The following FRMD4A variants were observed in gnomAD, a reference collection of about 807,000 sequenced individuals.
FRMD4A encodes FERM domain-containing protein 4A.
FRMD4A carries 29 observed loss-of-function variants against 129.1 expected under a neutral mutation model. That is an observed-to-expected ratio of 0.22 (90% CI 0.17 to 0.31). The LOEUF (loss-of-function observed/expected upper bound fraction) is 0.31. FRMD4A is among the 10% of genes least tolerant of loss of function. FRMD4A has a pLI of 1.00. For missense variants in FRMD4A, 1,272 were observed against 1,375.8 expected (o/e 0.92, Z 1.19); for synonymous variants, 634 against 571.6 (o/e 1.11, Z -1.56).
chr10:13,916,472 T>C (rs766047571), intron 2 of FRMD4A, among the ~76,000 whole-genome samples: 1 of 152,218 alleles, frequency 6.6e-6, no homozygotes, highest in Non-Finnish European at 1.5e-5. Flanking sequence ...TGTGTAGTAA[T>C]AGTGCCATTT....
chr10:13,991,064 C>T (rs1275573004), intron 2 of FRMD4A, among the ~76,000 whole-genome samples: 18 of 152,128 alleles, frequency 1.2e-4, no homozygotes, highest in East Asian at 3.9e-4. Context: ...CTCTGAAAGC[C>T]GCGGTTTTCC....
chr10:14,157,602 C>T (rs1482653696), intron 2 of FRMD4A, among the ~76,000 whole-genome samples: 1 of 152,204 alleles, frequency 6.6e-6, no homozygotes, highest in African/African-American at 2.4e-5. Flanking sequence ...GCCAACACAG[C>T]CCTTGCTGTG....
intron 2 of FRMD4A, among the ~76,000 whole-genome samples, chr10:14,158,148 C>T (rs1004158536): frequency 6.6e-6 from 1 of 152,126 alleles, no homozygotes; most frequent in Non-Finnish European, 1.5e-5. Flanking sequence ...GGGAAATCTC[C>T]TTGTATAAGC....
At chr10:13,777,927 C>G (rs4748058) in intron 6 of FRMD4A, among the ~76,000 whole-genome samples, 1 of 151,312 alleles carries the variant, frequency 6.6e-6, no homozygotes, top group Non-Finnish European at 1.5e-5. Flanking sequence ...GTGAGCCTCC[C>G]GAGTAGCTGG....
At chr10:14,108,090 T>G (rs1837679371) in intron 2 of FRMD4A, among the ~76,000 whole-genome samples, 3 of 152,338 alleles carry the variant, frequency 2.0e-5, no homozygotes, top group Admixed American at 2.0e-4. Flanking sequence ...GCCTCATTCT[T>G]CACGGTCTCT....
intron 2 of FRMD4A, among the ~76,000 whole-genome samples, chr10:14,121,544 A>G (rs74122490): frequency 0.033 from 4,978 of 152,332 alleles, 230 homozygotes; most frequent in African/African-American, 0.1. Context: ...GCTATCAGCT[A>G]CAGTCACCTG....
intron 3 of FRMD4A, among the ~76,000 whole-genome samples, chr10:13,812,465 A>G (rs1249665126): frequency 6.6e-6 from 1 of 152,212 alleles, no homozygotes. Context: ...TATTGAAATG[A>G]CTGTTTAATA....
chr10:14,279,424 T>A (rs1205489992), intron 2 of FRMD4A, among the ~76,000 whole-genome samples: 1 of 151,978 alleles, frequency 6.6e-6, no homozygotes, highest in Admixed American at 6.6e-5. Flanking sequence ...GTCTCAAACT[T>A]CTGACCGCAA....
At chr10:13,747,536 A>AAAT (rs2135074372) in intron 9 of FRMD4A, among the ~76,000 whole-genome samples, 200 bp downstream of exon 9, 1 of 151,664 alleles carries the variant, frequency 6.6e-6, no homozygotes, top group Non-Finnish European at 1.5e-5. Context: ...TCAAAAAAAA[A>AAAT]AATTAATTAA....
chr10:13,893,935 C>T (rs926696313), intron 2 of FRMD4A, among the ~76,000 whole-genome samples: 1 of 152,200 alleles, frequency 6.6e-6, no homozygotes, highest in Non-Finnish European at 1.5e-5. Context: ...CTAAACTGAA[C>T]TTGCCTCACT....
At chr10:14,216,703 C>T (rs916359991) in intron 2 of FRMD4A, among the ~76,000 whole-genome samples, 2 of 151,984 alleles carry the variant, frequency 1.3e-5, no homozygotes, top group Admixed American at 6.6e-5. Flanking sequence ...GGAACCAAAT[C>T]GTTAAACTCT....
At position 13,876,598 on chromosome 10, in the gene FRMD4A, T is replaced by C. The variant is rs548868784; in HGVS notation, c.46-17686A>G. ...GCCTACTTTGTTTCAGTGTCCAGTT[T>C]AATCTGTCGTTTTAAATGAAATTTT... On this transcript the variant is annotated intron_variant, in intron 2 of 24. Coordinates refer to ENST00000357447, the MANE Select transcript of FRMD4A (RefSeq NM_018027.5). Among the ~76,000 whole-genome samples the C allele has an allele frequency of 1.5e-3, 221 of 152,330 alleles. 1 individual carries two copies. The highest frequency in any genetic ancestry group is 2.6e-3 in the Admixed American group (40 of 15,304).
Position 13,656,735 on chromosome 10 carries a change from A to G in FRMD4A, c.2854T>C (p.Ser952Pro). The change falls in exon 22 of 25, where the codon TCC becomes CCC. Residue 952 changes from serine to proline, a missense_variant. Ser to Pro is a moderately conservative substitution (Grantham distance 74). Around this residue, in one of 2 missense-constraint regions of FRMD4A, gnomAD observed 972 missense variants for 892.3 expected, o/e 1.09. Coordinates refer to ENST00000357447, the MANE Select transcript of FRMD4A (RefSeq NM_018027.5). ...CTGTACTGCGAGCCGCTGTCCGAGG[A>G]GGTGGAGCTGGTGTGCGACAGGCGG... ...HSRLSHTSST[S>P]SDSGSQYSTS... 1 of 1,596,654 alleles carries G rather than the reference A, an allele frequency of 6.3e-7. No individual in the cohort carries two copies.
chr10:14,224,172 A>G (rs1843359906), intron 2 of FRMD4A, among the ~76,000 whole-genome samples: 1 of 152,212 alleles, frequency 6.6e-6, no homozygotes. Context: ...AAGAAAAAAA[A>G]AGTGTGCAGA....
At chr10:13,746,751 G>C (rs2091310207) in intron 9 of FRMD4A, among the ~76,000 whole-genome samples, 1 of 152,144 alleles carries the variant, frequency 6.6e-6, no homozygotes, top group African/African-American at 2.4e-5. Context: ...GGATCAGAAG[G>C]AACATCAGAG....
At chr10:14,317,193 A>C (rs1846772173) in intron 2 of FRMD4A, among the ~76,000 whole-genome samples, 1 of 152,196 alleles carries the variant, frequency 6.6e-6, no homozygotes, top group Admixed American at 6.5e-5. Flanking sequence ...CTTCAAGATA[A>C]AGTTCAAACT....
chr10:13,776,293 T>G (rs369714528), intron 6 of FRMD4A, among the ~76,000 whole-genome samples: 4 of 152,138 alleles, frequency 2.6e-5, no homozygotes, highest in African/African-American at 9.6e-5. Context: ...GTGTTTTTTG[T>G]AGAGATGGGA....
At chr10:14,103,626 GC>G (rs1360183420) in intron 2 of FRMD4A, among the ~76,000 whole-genome samples, 1 of 152,142 alleles carries the variant, frequency 6.6e-6, no homozygotes, top group Non-Finnish European at 1.5e-5. Flanking sequence ...ATTATGTGAA[GC>G]TGAATGTAAA....
At chr10:14,150,073 A>G (rs1840267068) in intron 2 of FRMD4A, among the ~76,000 whole-genome samples, 1 of 152,176 alleles carries the variant, frequency 6.6e-6, no homozygotes. Context: ...GTACTTTTAA[A>G]CAACCAGATC....
Sources: gnomAD v4.1 joint callset for allele counts (sites outside exome capture counted in the v4.1 genomes callset) on GRCh38, gnomAD v4.1.1 for gene constraint, gnomAD v4.1.1 regional missense constraint, MANE v1.5 for transcripts, NCBI Gene and HGNC (gene_info 2026-07-23, HGNC 2026-07-21) for gene names.